SRBD1: variants seen among roughly 807,000 people sequenced by gnomAD.
SRBD1 encodes the protein S1 RNA-binding domain-containing protein 1.
A neutral mutation model predicts 115.3 loss-of-function variants in SRBD1; 88 were observed. The ratio of observed to expected loss-of-function variants is 0.76; its 90% confidence interval spans 0.64 to 0.91. The LOEUF (loss-of-function observed/expected upper bound fraction) is 0.91. Among genes scored for constraint, SRBD1 ranks in the 40% least tolerant of loss-of-function variants. The pLI is 0.00. For synonymous variants in SRBD1, 509 were observed against 407.7 expected (o/e 1.25, Z -2.99); for missense variants, 1,385 against 1,177.4 (o/e 1.18, Z -2.58).
chr2:45,509,181 G>A (rs1270915403), intron 14 of SRBD1, among the ~76,000 whole-genome samples: 2 of 151,866 alleles, frequency 1.3e-5, no homozygotes, highest in Non-Finnish European at 2.9e-5. Flanking sequence ...AATCTCCGAG[G>A]GATATATTGT....
chr2:45,494,321 T>A (rs1053749257), intron 14 of SRBD1, among the ~76,000 whole-genome samples: 5 of 152,156 alleles, frequency 3.3e-5, no homozygotes, highest in African/African-American at 1.2e-4. Context: ...CAGAAAAGGT[T>A]TAAAAATGTA....
intron 14 of SRBD1, among the ~76,000 whole-genome samples, chr2:45,520,774 A>T (rs1671258938): frequency 6.6e-6 from 1 of 152,166 alleles, no homozygotes; most frequent in Non-Finnish European, 1.5e-5. Context: ...CTCCAGGGGA[A>T]GATCATCTTC....
intron 18 of SRBD1, among the ~76,000 whole-genome samples, chr2:45,414,628 G>A (rs1399850566): frequency 7.8e-6 from 1 of 128,658 alleles, no homozygotes; most frequent in Admixed American, 7.3e-5. Flanking sequence ...CACACATAGT[G>A]TGTATATAGT....
At chr2:45,585,486 G>A in intron 5 of SRBD1, 122 bp downstream of exon 5, 1 of 1,085,944 alleles carries the variant, frequency 9.2e-7, no homozygotes, top group Admixed American at 2.8e-5. Flanking sequence ...ACTATATCCA[G>A]ATTACAATAA....
At chr2:45,529,326 A>C (rs1422810322) in intron 14 of SRBD1, among the ~76,000 whole-genome samples, 2 of 151,916 alleles carry the variant, frequency 1.3e-5, no homozygotes, top group East Asian at 3.9e-4. Context: ...GATGGGGAAA[A>C]AGCAGTAAAA....
intron 8 of SRBD1, among the ~76,000 whole-genome samples, chr2:45,573,989 T>G (rs1673099457): frequency 6.6e-6 from 1 of 152,106 alleles, no homozygotes; most frequent in South Asian, 2.1e-4. Flanking sequence ...CAGAAACCTG[T>G]CTTCTGATAC....
chr2:45,538,591 G>T (rs866396143), intron 14 of SRBD1, among the ~76,000 whole-genome samples: 17 of 152,144 alleles, frequency 1.1e-4, no homozygotes, highest in Admixed American at 4.6e-4. Flanking sequence ...TAATAACTAA[G>T]AGGGACTGAA....
chr2:45,594,971 C>T (rs186560477), intron 4 of SRBD1, among the ~76,000 whole-genome samples: 58 of 152,328 alleles, frequency 3.8e-4, no homozygotes, highest in African/African-American at 1.2e-3. Flanking sequence ...TCCCTCTCTC[C>T]ACTTTACAAG....
intron 2 of SRBD1, among the ~76,000 whole-genome samples, 196 bp from the exon 3 acceptor site, chr2:45,602,279 C>A (rs1433792107): frequency 6.6e-6 from 1 of 152,184 alleles, no homozygotes; most frequent in African/African-American, 2.4e-5. Flanking sequence ...TATAAAAATA[C>A]CGCAGTATGC....
At chr2:45,426,082 C>T (rs968155230) in intron 16 of SRBD1, among the ~76,000 whole-genome samples, 4 of 152,192 alleles carry the variant, frequency 2.6e-5, no homozygotes, top group African/African-American at 9.7e-5. Context: ...TGGAGCTCAG[C>T]AAGCTAAGAT....
intron 14 of SRBD1, among the ~76,000 whole-genome samples, chr2:45,537,569 C>T (rs1671803492): frequency 1.3e-5 from 2 of 152,104 alleles, no homozygotes; most frequent in East Asian, 1.9e-4. Context: ...GCATCAAAGG[C>T]CTGTTTTGCC....
intron 9 of SRBD1, chr2:45,567,802 T>G (rs1672879884): frequency 6.6e-6 from 1 of 152,158 alleles, no homozygotes; most frequent in South Asian, 2.1e-4. Context: ...TCTAATAAAT[T>G]AAGTAGAGTA....
chr2:45,505,931 A>G (rs1558440894), intron 14 of SRBD1, among the ~76,000 whole-genome samples: 1 of 152,328 alleles, frequency 6.6e-6, no homozygotes, highest in East Asian at 1.9e-4. Flanking sequence ...CCCAATAATA[A>G]GAAAGCTTTG....
chr2:45,551,158 GT>G lies in SRBD1; in HGVS notation c.1641del (p.Lys547AsnfsTer6). 1 of 1,601,160 alleles carries G rather than the reference GT, an allele frequency of 6.2e-7. No individual in the cohort carries two copies. Among genetic ancestry groups the G allele is most frequent in the South Asian group, 1.1e-5 (1 of 87,302 alleles). The stretch of plus-strand genomic sequence containing the variant: ...GAAATTATAGCTAATTTGCAACCAT[GT>G]TTATAACCAGGATCCACTCCCATTA... ...RTLMGVDPGY[K>X]HGCKLAIISP... On this transcript the variant is annotated frameshift_variant, in exon 12 of 21. Transcript: ENST00000263736. LOFTEE classifies it high-confidence loss of function.
chr2:45,606,695 C>G (rs1674284817), intron 1 of SRBD1, among the ~76,000 whole-genome samples: 1 of 152,130 alleles, frequency 6.6e-6, no homozygotes, highest in Non-Finnish European at 1.5e-5. Context: ...TAACCAGAGA[C>G]ATCACATAAT....
chr2:45,440,362 C>T (rs534066763), intron 16 of SRBD1, among the ~76,000 whole-genome samples: 19 of 152,258 alleles, frequency 1.2e-4, no homozygotes, highest in South Asian at 1.0e-3. Context: ...ATATGGTGGA[C>T]GAATGATAGG....
chr2:45,485,421 G>A (rs1242021875), intron 15 of SRBD1, among the ~76,000 whole-genome samples: 1 of 152,066 alleles, frequency 6.6e-6, no homozygotes, highest in Non-Finnish European at 1.5e-5. Flanking sequence ...ATCTTAGTAG[G>A]TTTATGCTTT....
intron 16 of SRBD1, among the ~76,000 whole-genome samples, chr2:45,464,646 C>G (rs529839808): frequency 2.6e-5 from 4 of 152,130 alleles, no homozygotes; most frequent in Non-Finnish European, 5.9e-5. Flanking sequence ...GTTAACGAGG[C>G]CTTCACAAGG....
At chr2:45,457,651 TA>T (rs1199585857) in intron 16 of SRBD1, among the ~76,000 whole-genome samples, 1 of 151,962 alleles carries the variant, frequency 6.6e-6, no homozygotes, top group Admixed American at 6.6e-5. Flanking sequence ...CGGCGTATGT[TA>T]AAAAAATACC....
Sources: allele counts gnomAD v4.1 joint callset (sites outside exome capture counted in the v4.1 genomes callset), GRCh38; gene constraint gnomAD v4.1.1; transcripts MANE v1.5; gene names NCBI Gene and HGNC (gene_info 2026-07-23, HGNC 2026-07-21).